Variants in SORCS3 observed in about 807,000 individuals in gnomAD.
SORCS3 encodes sortilin related VPS10 domain containing receptor 3.
A neutral mutation model predicts 146.3 loss-of-function variants in SORCS3; 57 were observed. The ratio of observed to expected loss-of-function variants is 0.39; its 90% CI spans 0.31 to 0.49. SORCS3 has a LOEUF of 0.49. SORCS3 is among the 20% of genes least tolerant of loss of function. SORCS3 has a pLI of 0.92. For missense variants in SORCS3, 1,341 were observed against 1,575.5 expected, an observed-to-expected ratio of 0.85 and a Z score of 2.52; for synonymous variants, 653 against 618.5, an observed-to-expected ratio of 1.06 and a Z score of -0.83.
At chr10:104,831,231 CT>C (rs1170186805) in intron 1 of SORCS3, among the ~76,000 whole-genome samples, 1 of 152,144 alleles carries the variant, frequency 6.6e-6, no homozygotes, top group African/African-American at 2.4e-5. Flanking sequence ...ATGTTAATTG[CT>C]TTGTAGACCT....
At chr10:105,164,683 G>A (rs960013184) in intron 12 of SORCS3, among the ~76,000 whole-genome samples, 1 of 152,146 alleles carries the variant, frequency 6.6e-6, no homozygotes, top group Non-Finnish European at 1.5e-5. Context: ...TACAACTGAT[G>A]AAACTGTTTT....
At chr10:104,642,190 G>A (rs1213183605) in intron 1 of SORCS3, among the ~76,000 whole-genome samples, 1 of 152,200 alleles carries the variant, frequency 6.6e-6, no homozygotes, top group Non-Finnish European at 1.5e-5. Flanking sequence ...CGCCGGGAGG[G>A]GAGTGGAGGA....
At chr10:105,153,787 G>A (rs888669739) in intron 9 of SORCS3, among the ~76,000 whole-genome samples, 3 of 151,772 alleles carry the variant, frequency 2.0e-5, no homozygotes, top group Non-Finnish European at 4.4e-5. Context: ...ATGAAACTTC[G>A]AGGCTGGGCG....
At chr10:104,665,579 C>T (rs916919892) in intron 1 of SORCS3, 1 of 152,194 alleles carries the variant, frequency 6.6e-6, no homozygotes, top group Non-Finnish European at 1.5e-5. Context: ...AAGCATTGCC[C>T]GTCATGATCA....
intron 6 of SORCS3, among the ~76,000 whole-genome samples, chr10:105,099,008 G>A (rs754630411): frequency 4.6e-5 from 7 of 152,184 alleles, no homozygotes; most frequent in Non-Finnish European, 8.8e-5. Context: ...GAACTCAGTA[G>A]AAGGAATGGA....
rs577707760 is a variant in SORCS3, at chr10:105,145,848, T to G, written c.1303-1769T>G. 1.7e-3 allele frequency among the ~76,000 whole-genome samples: 258 copies of G among 152,168 alleles called. 2 individuals carry two copies. The highest frequency in any genetic ancestry group is 3.4e-3 in the Non-Finnish European group (234 of 67,980). ...TGACAAAGAATCTTCAATAAAAAGA[T>G]CCAGAACTTGCTTTTCTACTTCTCT... is the stretch of plus-strand genomic sequence containing the variant. On this transcript the variant is annotated intron_variant, in intron 8 of 26. Coordinates refer to ENST00000369701, the MANE Select transcript of SORCS3 (RefSeq NM_014978.3).
chr10:104,674,924 T>G (rs1450591376), intron 1 of SORCS3, among the ~76,000 whole-genome samples: 1 of 152,246 alleles, frequency 6.6e-6, no homozygotes, highest in Non-Finnish European at 1.5e-5. Context: ...GTTTCCAATT[T>G]TTGGCTATAT....
rs543006551 is a variant in SORCS3 at position 104,892,670 on chromosome 10, C to T, written c.696-23163C>T. 1.0e-3 allele frequency among the ~76,000 whole-genome samples: 152 copies of T among 151,930 alleles called. 1 individual carries two copies. The highest frequency in any genetic ancestry group is 3.5e-3 in the African/African-American group (143 of 41,418). On this transcript the variant is annotated intron_variant, in intron 2 of 26. Coordinates refer to ENST00000369701, the MANE Select transcript of SORCS3 (RefSeq NM_014978.3). ...CCCGGGAGGCGGAGGTTGCAGTAGC[C>T]GAGATCGTGCCACTGCACTCCAGCC... is the stretch of plus-strand genomic sequence containing the variant.
At chr10:105,213,698 A>G (rs1328263431) in intron 17 of SORCS3, among the ~76,000 whole-genome samples, 2 of 152,138 alleles carry the variant, frequency 1.3e-5, no homozygotes, top group Non-Finnish European at 2.9e-5. Context: ...GTACATAATG[A>G]TGTCCTTGTC....
chr10:105,136,926 C>T (rs559053643), intron 7 of SORCS3, among the ~76,000 whole-genome samples: 1 of 152,246 alleles, frequency 6.6e-6, no homozygotes, highest in Non-Finnish European at 1.5e-5. Flanking sequence ...CACAAACTTT[C>T]CTGGGTTGTG....
chr10:105,199,421 G>T (rs1302499712), intron 14 of SORCS3, among the ~76,000 whole-genome samples: 2 of 152,098 alleles, frequency 1.3e-5, no homozygotes, highest in Non-Finnish European at 2.9e-5. Flanking sequence ...AGGAGGGAGG[G>T]TAGGTAGGTA....
Position 104,914,846 on chromosome 10 carries a change from A to G in SORCS3, c.696-987A>G, listed in dbSNP as rs146574109. 2.9e-3 allele frequency among the ~76,000 whole-genome samples: 444 copies of G among 152,312 alleles called. 2 individuals are homozygous for G. The highest frequency in any genetic ancestry group is 0.019 in the South Asian group (90 of 4,828). ...AGATTGTGGCGGATTTCAGGCCCCT[A>G]TAAGGTCAGTTGAGTACAGAGAAAA... On this transcript the variant is annotated intron_variant, in intron 2 of 26. Coordinates refer to ENST00000369701, the MANE Select transcript of SORCS3 (RefSeq NM_014978.3).
chr10:104,869,783 A>G (rs138357537), intron 2 of SORCS3, among the ~76,000 whole-genome samples: 152 of 152,340 alleles, frequency 1.0e-3, no homozygotes, highest in Non-Finnish European at 1.5e-3. Flanking sequence ...CCTACCTGAG[A>G]CATCCTTCTG....
At chr10:104,764,765 C>T (rs918623550) in intron 1 of SORCS3, among the ~76,000 whole-genome samples, 2 of 152,166 alleles carry the variant, frequency 1.3e-5, no homozygotes, top group African/African-American at 4.8e-5. Context: ...ATATATTTTT[C>T]ACCTGTTTCC....
At chr10:105,179,575 G>A (rs2056430636) in intron 14 of SORCS3, among the ~76,000 whole-genome samples, 1 of 152,150 alleles carries the variant, frequency 6.6e-6, no homozygotes, top group South Asian at 2.1e-4. Context: ...TCATCAAAAT[G>A]AATATAAACA....
chr10:104,800,918 CTCTT>C (rs535748566), intron 1 of SORCS3, among the ~76,000 whole-genome samples: 43 of 152,324 alleles, frequency 2.8e-4, no homozygotes, highest in Non-Finnish European at 5.4e-4. Context: ...GGCTGATCCT[CTCTT>C]TATATCACTG....
intron 4 of SORCS3, among the ~76,000 whole-genome samples, chr10:105,020,015 C>A (rs2055189433): frequency 6.6e-6 from 1 of 152,134 alleles, no homozygotes; most frequent in African/African-American, 2.4e-5. Flanking sequence ...GCAGCAGTAG[C>A]AGCTACTTAC....
chr10:105,062,107 G>C (rs1450136290), intron 5 of SORCS3, among the ~76,000 whole-genome samples: 1 of 152,184 alleles, frequency 6.6e-6, no homozygotes, highest in Non-Finnish European at 1.5e-5. Context: ...TGATAATAAT[G>C]GTGGTAAATA....
chr10:104,914,867 G>GA (rs908435093), intron 2 of SORCS3, among the ~76,000 whole-genome samples: 12 of 152,168 alleles, frequency 7.9e-5, no homozygotes, highest in African/African-American at 2.7e-4. Flanking sequence ...TGAGTACAGA[G>GA]AAAATGCATT....
Sources: gnomAD v4.1 joint callset for allele counts (sites outside exome capture counted in the v4.1 genomes callset) on GRCh38, gnomAD v4.1.1 for gene constraint, MANE v1.5 for transcripts, NCBI Gene and HGNC (gene_info 2026-07-23, HGNC 2026-07-21) for gene names.